MYRIP: variants seen among roughly 807,000 people sequenced by gnomAD.
MYRIP encodes myosin VIIA and Rab interacting protein, also known as rab effector MyRIP.
MYRIP carries 49 observed loss-of-function variants against 98.0 expected under a neutral mutation model. The ratio of observed to expected loss-of-function variants is 0.50; its 90% CI spans 0.40 to 0.63. The LOEUF is 0.63. Ranked by LOEUF, MYRIP falls within the 30% of genes least tolerant of loss-of-function variation. MYRIP has a pLI of 0.00. For synonymous variants in MYRIP, 404 were observed against 409.5 expected (o/e 0.99, Z 0.16); for missense variants, 1,004 against 1,058.2 (o/e 0.95, Z 0.71).
At chr3:39,877,814 G>T (rs964720237) in intron 1 of MYRIP, among the ~76,000 whole-genome samples, 1 of 152,174 alleles carries the variant, frequency 6.6e-6, no homozygotes, top group African/African-American at 2.4e-5. Flanking sequence ...ACTTGAGGAG[G>T]CAGTCTGCCC....
intron 1 of MYRIP, among the ~76,000 whole-genome samples, chr3:39,864,672 A>G (rs1942571920): frequency 6.6e-6 from 1 of 152,228 alleles, no homozygotes; most frequent in Non-Finnish European, 1.5e-5. Flanking sequence ...AATGAAAAAC[A>G]TTCCATGCTT....
intron 2 of MYRIP, among the ~76,000 whole-genome samples, chr3:39,917,988 G>A (rs1392055601): frequency 6.6e-6 from 1 of 150,768 alleles, no homozygotes; most frequent in Non-Finnish European, 1.5e-5. Context: ...GTGCAGTGGC[G>A]CGATCTCGAC....
At chr3:40,062,014 G>A (rs1004051765) in intron 3 of MYRIP, among the ~76,000 whole-genome samples, 20 of 152,000 alleles carry the variant, frequency 1.3e-4, no homozygotes, top group Non-Finnish European at 1.2e-4. Context: ...TTTCTGATGC[G>A]TAGTTTGTAA....
At chr3:40,160,731 T>C (rs1950371396) in intron 4 of MYRIP, among the ~76,000 whole-genome samples, 1 of 152,234 alleles carries the variant, frequency 6.6e-6, no homozygotes, top group Non-Finnish European at 1.5e-5. Flanking sequence ...AAAAGCGCAG[T>C]ATTCGGGTGG....
At chr3:40,132,865 G>A (rs1575563357) in intron 3 of MYRIP, among the ~76,000 whole-genome samples, 3 of 152,356 alleles carry the variant, frequency 2.0e-5, no homozygotes, top group African/African-American at 7.2e-5. Context: ...GTCCAGCTGG[G>A]GCTTGGACTC....
chr3:39,918,134 T>A (rs1359016697), intron 2 of MYRIP, among the ~76,000 whole-genome samples: 1 of 152,048 alleles, frequency 6.6e-6, no homozygotes, highest in Non-Finnish European at 1.5e-5. Flanking sequence ...CACCGTGGTC[T>A]CGATCTCCTG....
chr3:40,195,823 C>T (rs1951372376), intron 10 of MYRIP, among the ~76,000 whole-genome samples: 2 of 152,016 alleles, frequency 1.3e-5, no homozygotes, highest in Admixed American at 1.3e-4. Context: ...TTTTAGAACA[C>T]TTTATATGAC....
intron 2 of MYRIP, among the ~76,000 whole-genome samples, chr3:39,920,116 A>T (rs1428116539): frequency 6.6e-6 from 1 of 152,158 alleles, no homozygotes; most frequent in African/African-American, 2.4e-5. Flanking sequence ...AAAAAAAAAT[A>T]AAAAATAAAA....
intron 2 of MYRIP, among the ~76,000 whole-genome samples, chr3:39,969,395 G>A (rs1945521099): frequency 6.6e-6 from 1 of 152,094 alleles, no homozygotes; most frequent in Non-Finnish European, 1.5e-5. Context: ...TCCTTGTCAT[G>A]TGCTAGTTTT....
chr3:39,907,976 T>C (rs1297839036), intron 2 of MYRIP, among the ~76,000 whole-genome samples: 1 of 152,242 alleles, frequency 6.6e-6, no homozygotes, highest in Non-Finnish European at 1.5e-5. Flanking sequence ...CTGTTAATTG[T>C]ACAATCCTCT....
chr3:39,999,706 G>A (rs1049989190), intron 2 of MYRIP, among the ~76,000 whole-genome samples: 1 of 152,118 alleles, frequency 6.6e-6, no homozygotes, highest in African/African-American at 2.4e-5. Context: ...AAAACATGCT[G>A]CTATAAAGAC....
chr3:40,230,578 C>T (rs1952623660), intron 11 of MYRIP, among the ~76,000 whole-genome samples: 1 of 152,164 alleles, frequency 6.6e-6, no homozygotes. Flanking sequence ...GTGCCCTGCC[C>T]CTGTCATATA....
chr3:40,091,901 G>A (rs1387021870), intron 3 of MYRIP, among the ~76,000 whole-genome samples: 2 of 152,078 alleles, frequency 1.3e-5, no homozygotes, highest in African/African-American at 4.8e-5. Context: ...TACTAAAATT[G>A]CCCAAAGAAG....
intron 2 of MYRIP, among the ~76,000 whole-genome samples, chr3:40,013,317 G>A (rs934346773): frequency 6.6e-6 from 1 of 152,332 alleles, no homozygotes; most frequent in South Asian, 2.1e-4. Context: ...AGAAGCAAGT[G>A]TGCAGAATGG....
At chr3:39,932,201 C>A (rs1017694071) in intron 2 of MYRIP, among the ~76,000 whole-genome samples, 6 of 152,110 alleles carry the variant, frequency 3.9e-5, no homozygotes, top group African/African-American at 1.2e-4. Flanking sequence ...AAGAACCATT[C>A]CAAAACTCTT....
In MYRIP at chr3:40,182,358, A is replaced by T. The variant is rs1009502066; in HGVS notation, c.1012A>T (p.Arg338Trp). 46 of 1,612,722 alleles carry T rather than the reference A, an allele frequency of 2.9e-5. No homozygotes were observed. Among genetic ancestry groups the T allele is most frequent in the Non-Finnish European group, 3.8e-5 (45 of 1,179,570 alleles). Residue 338 changes from arginine (R) to tryptophan (W), a missense_variant, in exon 9 of 17, where the codon AGG (arginine) becomes TGG (tryptophan). Arg to Trp is a moderately radical substitution (Grantham distance 101, BLOSUM62 -3). Around this residue, in one of 3 missense-constraint regions of MYRIP, gnomAD observed 880 missense variants for 907.7 expected, o/e 0.97. Transcript: ENST00000302541. ...TCTGCCCAGCTGGAAGAGTGTGGAC[A>T]GGCTGGATGAAACAAGTAACTGTTT... is the stretch of plus-strand genomic sequence containing the variant. ...SALPSWKSVDRLDETNLAPVL... is the reference protein window; with the variant it reads ...SALPSWKSVDWLDETNLAPVL...
At chr3:39,957,373 C>T (rs1575412906) in intron 2 of MYRIP, among the ~76,000 whole-genome samples, 1 of 152,010 alleles carries the variant, frequency 6.6e-6, no homozygotes, top group Non-Finnish European at 1.5e-5. Flanking sequence ...GCTGGCTCAA[C>T]ATATGCAAAT....
At chr3:40,153,081 T>C (rs528146026) in intron 4 of MYRIP, among the ~76,000 whole-genome samples, 10 of 152,066 alleles carry the variant, frequency 6.6e-5, no homozygotes, top group African/African-American at 2.4e-4. Flanking sequence ...ATTGTGCCAC[T>C]GCACTCCAGC....
At position 40,151,064 on chromosome 3, in the gene MYRIP, T is replaced by C; in HGVS notation, c.349T>C (p.Ser117Pro). 1 of 1,593,042 alleles carries C rather than the reference T, an allele frequency of 6.3e-7. No individual in the cohort carries two copies. Among genetic ancestry groups the C allele is most frequent in the Non-Finnish European group, 8.6e-7 (1 of 1,168,282 alleles). ...TTTCCTCAGGCTTCTGAGGGCCCAATCTCTGGAATGGTTCTACAATAATGT... is the reference window on the plus strand; with the variant it reads ...TTTCCTCAGGCTTCTGAGGGCCCAACCTCTGGAATGGTTCTACAATAATGT... Reference protein sequence around the residue: ...CQQARLLRAQSLEWFYNNVKS... With the variant: ...CQQARLLRAQPLEWFYNNVKS... Residue 117 changes from serine to proline, a missense_variant, in exon 4 of 17, where the codon TCT (serine) becomes CCT (proline). By Grantham distance (74) the Ser-to-Pro change is moderately conservative (BLOSUM62 -1). This residue lies in a region of MYRIP where 880 missense variants were observed against 907.7 expected (regional missense o/e 0.97). Coordinates refer to ENST00000302541, the MANE Select transcript of MYRIP (RefSeq NM_015460.4).
Sources: allele counts gnomAD v4.1 joint callset (sites outside exome capture counted in the v4.1 genomes callset), GRCh38; gene constraint gnomAD v4.1.1; regional missense constraint gnomAD v4.1.1; transcripts MANE v1.5; gene names NCBI Gene and HGNC (gene_info 2026-07-23, HGNC 2026-07-21).